Variants in WWOX observed in about 807,000 individuals in gnomAD.
The protein encoded by WWOX is WW domain containing oxidoreductase.
A neutral mutation model predicts 46.2 loss-of-function variants in WWOX; 69 were observed. The observed-to-expected ratio is 1.49, with a 90% CI of 1.23 to 1.82. The LOEUF is 1.82. Among genes scored for constraint, WWOX ranks in the 40% most tolerant of loss-of-function variants. The probability of loss-of-function intolerance (pLI) is 0.00; values close to 1 mark genes in which losing one functional copy is unlikely to be tolerated. For synonymous variants in WWOX, 359 were observed against 202.6 expected, an observed-to-expected ratio of 1.77 and a Z score of -6.56; for missense variants, 919 against 542.6, an observed-to-expected ratio of 1.69 and a Z score of -6.89.
intron 8 of WWOX, among the ~76,000 whole-genome samples, chr16:78,839,605 A>G (rs2052084116): frequency 6.6e-6 from 1 of 152,148 alleles, no homozygotes; most frequent in African/African-American, 2.4e-5. Context: ...GCCTGTCAGC[A>G]CATATTTATT....
intron 6 of WWOX, among the ~76,000 whole-genome samples, chr16:78,398,055 T>C (rs1335532512): frequency 1.3e-5 from 2 of 152,210 alleles, no homozygotes; most frequent in Non-Finnish European, 2.9e-5. Flanking sequence ...ATTTCCACTT[T>C]CTTTCTACTT....
chr16:78,140,659 C>G (rs1415535223), intron 4 of WWOX, among the ~76,000 whole-genome samples: 1 of 152,138 alleles, frequency 6.6e-6, no homozygotes, highest in Non-Finnish European at 1.5e-5. Flanking sequence ...CTGTTTGTCT[C>G]TGTTTTCTGA....
At chr16:78,821,460 G>C (rs753815392) in intron 8 of WWOX, among the ~76,000 whole-genome samples, 11 of 152,148 alleles carry the variant, frequency 7.2e-5, no homozygotes, top group Non-Finnish European at 1.0e-4. Flanking sequence ...TGAGTTTCAG[G>C]ATTGCAAAAT....
At chr16:79,105,951 G>T (rs567517734) in intron 8 of WWOX, 3 of 152,308 alleles carry the variant, frequency 2.0e-5, no homozygotes, top group East Asian at 3.9e-4. Context: ...GGAATTATAG[G>T]CATGAGCCAC....
intron 8 of WWOX, among the ~76,000 whole-genome samples, chr16:78,542,173 C>G (rs1254968702): frequency 5.6e-5 from 5 of 89,160 alleles, no homozygotes; most frequent in East Asian, 6.3e-4. Context: ...AAATGTTAAG[C>G]TAACAGAAAT....
At chr16:78,399,518 G>A (rs2082363385) in intron 6 of WWOX, among the ~76,000 whole-genome samples, 1 of 152,126 alleles carries the variant, frequency 6.6e-6, no homozygotes, top group Non-Finnish European at 1.5e-5. Flanking sequence ...TTGTTGGGTT[G>A]AACAGGGAGC....
intron 8 of WWOX, among the ~76,000 whole-genome samples, chr16:78,502,644 C>A (rs566971941): frequency 6.6e-6 from 1 of 152,308 alleles, no homozygotes; most frequent in East Asian, 1.9e-4. Flanking sequence ...GTGTTGTCCA[C>A]AAGTTTCAGC....
intron 8 of WWOX, among the ~76,000 whole-genome samples, chr16:79,068,863 A>G (rs2048494003): frequency 6.8e-6 from 1 of 146,224 alleles, no homozygotes; most frequent in African/African-American, 2.5e-5. Flanking sequence ...TAATAATAAT[A>G]AAGAAAGCGA....
chr16:78,729,408 C>G (rs758143233), intron 8 of WWOX, among the ~76,000 whole-genome samples: 10 of 151,552 alleles, frequency 6.6e-5, no homozygotes, highest in Non-Finnish European at 1.3e-4. Flanking sequence ...ATTCCTGTAA[C>G]ACGTGGATAT....
intron 5 of WWOX, among the ~76,000 whole-genome samples, chr16:78,296,228 G>A (rs945163816): frequency 2.0e-5 from 3 of 151,564 alleles, no homozygotes; most frequent in Non-Finnish European, 2.9e-5. Context: ...ATTGTTTGGT[G>A]CTTTCTATAT....
At chr16:79,089,936 A>G (rs1444539008) in intron 8 of WWOX, 1 of 150,076 alleles carries the variant, frequency 6.7e-6, no homozygotes, top group Non-Finnish European at 1.5e-5. Context: ...CGAAAACCCA[A>G]GAGAAACCGA....
At chr16:79,030,401 C>A (rs1427653000) in intron 8 of WWOX, among the ~76,000 whole-genome samples, 2 of 152,202 alleles carry the variant, frequency 1.3e-5, no homozygotes, top group Non-Finnish European at 2.9e-5. Flanking sequence ...ACTTCAGATA[C>A]TTTTCATGGC....
intron 5 of WWOX, among the ~76,000 whole-genome samples, chr16:78,327,869 ATTTTTTTTTTTTTTTTT>A: frequency 1.2e-5 from 1 of 81,096 alleles, no homozygotes; most frequent in East Asian, 5.3e-4. Flanking sequence ...ATGAGTCCTG[ATTTTTTTTTTTTTTTTT>A]TTTTTTTTTT....
At chr16:78,971,998 C>T (rs1027841828) in intron 8 of WWOX, among the ~76,000 whole-genome samples, 1 of 152,148 alleles carries the variant, frequency 6.6e-6, no homozygotes, top group Non-Finnish European at 1.5e-5. Context: ...AGGAGTTTGT[C>T]CACCTGCTGT....
At chr16:78,700,233 C>T (rs1342914892) in intron 8 of WWOX, among the ~76,000 whole-genome samples, 2 of 150,474 alleles carry the variant, frequency 1.3e-5, no homozygotes, top group African/African-American at 4.9e-5. Context: ...GTCAGGGCAC[C>T]AGCATGGTTG....
intron 6 of WWOX, among the ~76,000 whole-genome samples, chr16:78,416,342 T>C (rs1372548653): frequency 1.3e-5 from 2 of 152,238 alleles, no homozygotes; most frequent in Non-Finnish European, 2.9e-5. Flanking sequence ...TCTTTTCCTT[T>C]TGTACAAGCC....
intron 8 of WWOX, among the ~76,000 whole-genome samples, chr16:78,521,605 A>G (rs1423453868): frequency 1.3e-5 from 2 of 152,244 alleles, no homozygotes; most frequent in African/African-American, 4.8e-5. Flanking sequence ...ACGCTAATAT[A>G]TATAAATTCT....
chr16:78,621,015 G>A (rs2046167452), intron 8 of WWOX, among the ~76,000 whole-genome samples: 1 of 152,156 alleles, frequency 6.6e-6, no homozygotes, highest in Admixed American at 6.5e-5. Context: ...CTCAAAGGCT[G>A]TTGAAAGGCT....
At chr16:78,654,454 G>T (rs1386528387) in intron 8 of WWOX, among the ~76,000 whole-genome samples, 1 of 152,190 alleles carries the variant, frequency 6.6e-6, no homozygotes, top group Non-Finnish European at 1.5e-5. Context: ...GAACAAAACA[G>T]ATGTTATCTC....
Sources: gnomAD v4.1 joint callset for allele counts (sites outside exome capture counted in the v4.1 genomes callset) on GRCh38, gnomAD v4.1.1 for gene constraint, MANE v1.5 for transcripts, NCBI Gene and HGNC (gene_info 2026-07-23, HGNC 2026-07-21) for gene names.